The following ASTN2 variants were observed in gnomAD, a reference collection of about 807,000 sequenced individuals.
ASTN2 encodes astrotactin 2.
In ASTN2, 54 loss-of-function variants were observed where a neutral mutation model predicts 139.8. That is an observed-to-expected ratio of 0.39 (90% CI 0.31 to 0.48). The LOEUF is 0.48. Ranked by LOEUF, ASTN2 falls within the 20% of genes least tolerant of loss-of-function variation. The probability of loss-of-function intolerance (pLI) is 0.95; values close to 1 mark genes in which losing one functional copy is unlikely to be tolerated. For synonymous variants in ASTN2, 756 were observed against 719.5 expected (o/e 1.05, Z -0.81); for missense variants, 1,565 against 1,725.1 (o/e 0.91, Z 1.64).
intron 20 of ASTN2, among the ~76,000 whole-genome samples, chr9:116,483,326 C>T (rs1849233085): frequency 2.0e-5 from 3 of 152,216 alleles, no homozygotes; most frequent in Admixed American, 6.5e-5. Flanking sequence ...CCAGGGTGAG[C>T]TTAGGACAGA....
intron 1 of ASTN2, among the ~76,000 whole-genome samples, chr9:117,355,550 T>A (rs988498674): frequency 6.6e-6 from 1 of 151,994 alleles, no homozygotes; most frequent in Admixed American, 6.6e-5. Context: ...GCTGCTTAGC[T>A]CCCAGGCAAA....
At chr9:116,988,935 C>T (rs1045151156) in intron 7 of ASTN2, among the ~76,000 whole-genome samples, 3 of 152,162 alleles carry the variant, frequency 2.0e-5, no homozygotes, top group Non-Finnish European at 2.9e-5. Context: ...GGGAACACAA[C>T]TCTGTTCTCC....
intron 10 of ASTN2, among the ~76,000 whole-genome samples, chr9:116,962,745 G>A (rs189650300): frequency 8.5e-5 from 13 of 152,194 alleles, no homozygotes; most frequent in East Asian, 7.7e-4. Context: ...ATTTGGAACC[G>A]CGAGATAATG....
intron 1 of ASTN2, among the ~76,000 whole-genome samples, chr9:117,386,943 A>C (rs1431436348): frequency 2.6e-5 from 4 of 152,214 alleles, no homozygotes; most frequent in Admixed American, 2.6e-4. Flanking sequence ...GAATGGGAGA[A>C]GCAGAACAGC....
chr9:116,435,329 T>C (rs752919141), intron 22 of ASTN2, among the ~76,000 whole-genome samples: 14 of 152,352 alleles, frequency 9.2e-5, no homozygotes, highest in African/African-American at 2.9e-4. Context: ...TACACTGTGA[T>C]GTTCTGCATA....
chr9:116,596,826 C>T (rs933295463), intron 19 of ASTN2, among the ~76,000 whole-genome samples: 4 of 151,988 alleles, frequency 2.6e-5, no homozygotes, highest in Admixed American at 1.3e-4. Context: ...GTGCTTAATC[C>T]CATTAACTCC....
chr9:116,461,624 T>A (rs907872797), intron 20 of ASTN2, among the ~76,000 whole-genome samples: 1 of 151,760 alleles, frequency 6.6e-6, no homozygotes, highest in African/African-American at 2.4e-5. Context: ...GGGTTAAGAT[T>A]TCGTATGCCT....
intron 13 of ASTN2, among the ~76,000 whole-genome samples, chr9:116,791,070 G>T (rs1374688363): frequency 6.6e-6 from 1 of 151,028 alleles, no homozygotes; most frequent in Admixed American, 6.6e-5. Flanking sequence ...AGAAGGAAAG[G>T]TCTCAAACTC....
chr9:116,962,370 C>T (rs1835898346), intron 10 of ASTN2, among the ~76,000 whole-genome samples: 1 of 152,234 alleles, frequency 6.6e-6, no homozygotes, highest in Admixed American at 6.5e-5. Context: ...CCTCTGCCCA[C>T]TCCCAAAATA....
chr9:117,330,448 C>T (rs908681302), intron 1 of ASTN2, among the ~76,000 whole-genome samples: 4 of 152,186 alleles, frequency 2.6e-5, no homozygotes, highest in Non-Finnish European at 5.9e-5. Flanking sequence ...TTGTGATCTC[C>T]ATGCAAAGAG....
chr9:117,264,977 G>C (rs558947177), intron 2 of ASTN2, among the ~76,000 whole-genome samples: 14 of 152,130 alleles, frequency 9.2e-5, no homozygotes, highest in Non-Finnish European at 1.3e-4. Context: ...AGAAATGTAG[G>C]CTCAGAGAAT....
At chr9:117,177,992 T>C (rs1043859845) in intron 3 of ASTN2, among the ~76,000 whole-genome samples, 2 of 152,178 alleles carry the variant, frequency 1.3e-5, no homozygotes, top group East Asian at 3.9e-4. Flanking sequence ...GGCCCTGTCT[T>C]AGGTCTCCAA....
At chr9:116,938,216 G>T (rs2132464604) in intron 10 of ASTN2, among the ~76,000 whole-genome samples, 1 of 151,244 alleles carries the variant, frequency 6.6e-6, no homozygotes, top group Non-Finnish European at 1.5e-5. Context: ...TCATTTTTAT[G>T]CATGCCGCCT....
chr9:116,433,344 A>C (rs960400689), intron 22 of ASTN2, among the ~76,000 whole-genome samples: 4 of 152,230 alleles, frequency 2.6e-5, no homozygotes, highest in African/African-American at 9.6e-5. Context: ...TAACTTATGT[A>C]TTTGTTAAAC....
intron 20 of ASTN2, among the ~76,000 whole-genome samples, chr9:116,456,063 A>G (rs1848324022): frequency 6.6e-6 from 1 of 152,106 alleles, no homozygotes; most frequent in African/African-American, 2.4e-5. Flanking sequence ...AATTGGAAAA[A>G]ATGAAGTCAA....
chr9:116,774,786 C>T (rs1347516433), intron 13 of ASTN2, among the ~76,000 whole-genome samples: 3 of 152,114 alleles, frequency 2.0e-5, no homozygotes, highest in African/African-American at 7.2e-5. Flanking sequence ...TGCTCTGCAC[C>T]ATCAGACATC....
intron 10 of ASTN2, among the ~76,000 whole-genome samples, chr9:116,969,797 A>T (rs1836131861): frequency 6.6e-6 from 1 of 152,214 alleles, no homozygotes; most frequent in African/African-American, 2.4e-5. Flanking sequence ...AGGACTTCTT[A>T]AACCAGAATT....
chr9:117,320,020 C>T (rs542764147), intron 1 of ASTN2, among the ~76,000 whole-genome samples: 2 of 152,156 alleles, frequency 1.3e-5, no homozygotes, highest in Non-Finnish European at 2.9e-5. Context: ...TTGCCTCCTC[C>T]AAAAAATGAG....
intron 6 of ASTN2, among the ~76,000 whole-genome samples, chr9:117,035,552 C>A (rs947971683): frequency 7.2e-5 from 11 of 152,188 alleles, no homozygotes; most frequent in African/African-American, 2.2e-4. Flanking sequence ...TTTCTAGATC[C>A]TTCTCTACTC....
Sources: allele counts gnomAD v4.1 joint callset (sites outside exome capture counted in the v4.1 genomes callset), GRCh38; gene constraint gnomAD v4.1.1; transcripts MANE v1.5; gene names NCBI Gene and HGNC (gene_info 2026-07-23, HGNC 2026-07-21).